The following ADAM22 variants were observed in gnomAD, a reference collection of about 807,000 sequenced individuals.
ADAM22 encodes ADAM metallopeptidase domain 22.
ADAM22 carries 65 observed loss-of-function variants against 144.6 expected under a neutral mutation model. The ratio of observed to expected loss-of-function variants is 0.45; its 90% CI spans 0.37 to 0.55. ADAM22 has a LOEUF of 0.55. Ranked by LOEUF, ADAM22 falls within the 20% of genes least tolerant of loss-of-function variation. The probability of loss-of-function intolerance (pLI) is 0.00; values close to 1 mark genes in which losing one functional copy is unlikely to be tolerated. For missense variants in ADAM22, 974 were observed against 1,184.9 expected (o/e 0.82, Z 2.61); for synonymous variants, 391 against 412.6 (o/e 0.95, Z 0.63).
chr7:88,075,456 G>A (rs531900058), intron 3 of ADAM22, among the ~76,000 whole-genome samples, 170 bp from the exon 4 acceptor site: 1 of 133,278 alleles, frequency 7.5e-6, no homozygotes, highest in African/African-American at 2.9e-5. Flanking sequence ...TACTGGGTGT[G>A]TGTGTGTCTG....
At chr7:88,125,710 C>T (rs749967349) in intron 8 of ADAM22, 51 bp downstream of exon 8, 42 of 1,397,916 alleles carry the variant, frequency 3.0e-5, no homozygotes, top group Admixed American at 9.4e-5. Context: ...TTGTCAACTG[C>T]CAGTCATTTG....
At chr7:87,937,036 G>C (rs549366103) in intron 2 of ADAM22, among the ~76,000 whole-genome samples, 1 of 152,250 alleles carries the variant, frequency 6.6e-6, no homozygotes, top group Admixed American at 6.5e-5. Context: ...GCTCACAGCA[G>C]CCTTGACCTC....
intron 22 of ADAM22, among the ~76,000 whole-genome samples, chr7:88,158,114 CA>C (rs1840506201): frequency 2.0e-5 from 3 of 151,906 alleles, no homozygotes; most frequent in Non-Finnish European, 1.5e-5. Flanking sequence ...TAATTTCAGA[CA>C]AAACAGACTT....
intron 23 of ADAM22, 108 bp downstream of exon 23, chr7:88,163,288 T>A (rs1432894424): frequency 1.1e-6 from 1 of 922,500 alleles, no homozygotes; most frequent in Non-Finnish European, 1.5e-6. Context: ...ATTTTTCATA[T>A]TTCTAGTTGG....
chr7:88,158,443 A>C (rs1444721516), intron 22 of ADAM22, among the ~76,000 whole-genome samples: 1 of 152,178 alleles, frequency 6.6e-6, no homozygotes, highest in Non-Finnish European at 1.5e-5. Context: ...AAAACAACAC[A>C]GTATATATTC....
chr7:88,128,578 G>C, intron 8 of ADAM22, 24 bp from the exon 9 acceptor site: 1 of 1,590,532 alleles, frequency 6.3e-7, no homozygotes. Context: ...TGAATTAGGT[G>C]CTGTTTCCTT....
At chr7:88,121,797 T>G (rs1444329281) in intron 7 of ADAM22, among the ~76,000 whole-genome samples, 1 of 152,210 alleles carries the variant, frequency 6.6e-6, no homozygotes, top group Non-Finnish European at 1.5e-5. Flanking sequence ...CTGATCACTT[T>G]TGCTGTATAG....
chr7:88,171,532 G>A lies in ADAM22; in HGVS notation c.2283-12G>A, dbSNP rs754476706. The A allele has an allele frequency of 6.3e-7, 1 of 1,588,170 alleles. No homozygotes were observed. The highest frequency in any genetic ancestry group is 1.7e-4 in the Middle Eastern group (1 of 5,894). ...TATGTTTTTCCCTCTTTCTCTTCTT[G>A]TCCATGAAAAGAAACTATCGAGAAC... On this transcript the variant is annotated splice_polypyrimidine_tract_variant and intron_variant, in intron 25 of 31. Transcript: ENST00000413139.
At chr7:88,181,472 T>G in intron 27 of ADAM22, 33 bp from the exon 28 acceptor site, 1 of 1,585,456 alleles carries the variant, frequency 6.3e-7, no homozygotes, top group Non-Finnish European at 8.7e-7. Context: ...TTGGTTACAT[T>G]TTTGAACAAT....
intron 4 of ADAM22, among the ~76,000 whole-genome samples, chr7:88,094,950 G>A (rs114736028): frequency 0.034 from 5,239 of 152,246 alleles, 118 homozygotes; most frequent in South Asian, 0.071. Flanking sequence ...ATATACGTAC[G>A]TCCTTAGACA....
At chr7:87,982,068 TACACACACACACACAC>T (rs1175758724) in intron 3 of ADAM22, among the ~76,000 whole-genome samples, 1 of 93,744 alleles carries the variant, frequency 1.1e-5, no homozygotes, top group East Asian at 3.8e-4. Flanking sequence ...TATATATATA[TACACACACACACACAC>T]ACACACACAC....
In ADAM22 at chr7:88,196,775, A is replaced by G. The variant is rs536212715; in HGVS notation, c.*284A>G. 2.6e-5 allele frequency: 11 copies of G among 422,202 alleles called. No individual in the cohort carries two copies. In the East Asian group the frequency reaches 4.1e-4, roughly 16 times the overall value. The allele number at this position is 422,202 out of a possible 1,614,324, so 26.2% of individuals were successfully genotyped here. The stretch of plus-strand genomic sequence containing the variant: ...ATGGATAATCCGCATGACAGATAAT[A>G]TGTAGAAATATTCATAAAGTTAACT... On this transcript the variant is annotated 3_prime_UTR_variant, in exon 32 of 32. Coordinates refer to ENST00000413139, the MANE Select transcript of ADAM22 (RefSeq NM_001324418.2).
At chr7:87,984,970 C>T (rs1854598374) in intron 3 of ADAM22, among the ~76,000 whole-genome samples, 1 of 151,598 alleles carries the variant, frequency 6.6e-6, no homozygotes, top group Admixed American at 6.6e-5. Context: ...CCACACCTAG[C>T]TTAGGAACAT....
At chr7:88,127,129 C>T (rs995637765) in intron 8 of ADAM22, among the ~76,000 whole-genome samples, 13 of 151,612 alleles carry the variant, frequency 8.6e-5, no homozygotes, top group East Asian at 1.9e-4. Flanking sequence ...TAAAGACATA[C>T]GTATCTTGAG....
At chr7:88,002,604 G>A (rs1006463685) in intron 3 of ADAM22, among the ~76,000 whole-genome samples, 1 of 152,194 alleles carries the variant, frequency 6.6e-6, no homozygotes, top group African/African-American at 2.4e-5. Context: ...TAGTTGGTGG[G>A]CATTCATAAA....
Position 88,132,889 on chromosome 7 carries a change from C to T in ADAM22, c.1015C>T (p.Arg339Trp), listed in dbSNP as rs371111786. The change falls in exon 12 of 32, where the codon CGG becomes TGG. Residue 339 changes from arginine (R) to tryptophan (W), a missense_variant. Arg to Trp is a moderately radical substitution (Grantham distance 101). Coordinates refer to ENST00000413139, the MANE Select transcript of ADAM22 (RefSeq NM_001324418.2). ...LFSGSQFESS[R>W]SGAAYIGGIC... ...AAGGGGAAGTCAATTTGAGAGTAGC[C>T]GGAGCGGGGCAGCTTATATTGGTGG... 142 of 1,613,594 alleles carry T rather than the reference C, an allele frequency of 8.8e-5. No homozygotes were observed. Among genetic ancestry groups the T allele is most frequent in the Non-Finnish European group, 1.1e-4 (133 of 1,179,848 alleles).
At position 88,108,265 on chromosome 7, in the gene ADAM22, G is replaced by A. The variant is rs954997672; in HGVS notation, c.473+7G>A. The A allele has an allele frequency of 5.6e-6, 9 of 1,609,298 alleles. No individual in the cohort carries two copies. The highest frequency in any genetic ancestry group is 7.6e-6 in the Non-Finnish European group (9 of 1,178,158). ...CAACATGCCACGGACTTCAGTAAGT[G>A]TTCAAAAAGTTATTTTTACTGTTTG... On this transcript the variant is annotated splice_region_variant and intron_variant, in intron 5 of 31. Transcript: ENST00000413139.
intron 14 of ADAM22, among the ~76,000 whole-genome samples, chr7:88,139,488 A>G (rs989321902): frequency 6.6e-6 from 1 of 152,102 alleles, no homozygotes; most frequent in African/African-American, 2.4e-5. Flanking sequence ...GACCTATTTA[A>G]ATTTGATAAC....
Position 87,934,264 on chromosome 7 carries a change from C to G in ADAM22, c.-202C>G. 1 of 513,282 alleles carries G rather than the reference C, an allele frequency of 1.9e-6. No homozygotes were observed. Among genetic ancestry groups the G allele is most frequent in the East Asian group, 3.6e-5 (1 of 28,152 alleles). The allele number at this position is 513,282 out of a possible 1,614,324, so 31.8% of individuals were successfully genotyped here. ...GCCCAATGCAGCACTCGCTCGCTCCCCCCGCCAGCGGAAGCGTCCGCGAAG... is the reference window on the plus strand; with the variant it reads ...GCCCAATGCAGCACTCGCTCGCTCCGCCCGCCAGCGGAAGCGTCCGCGAAG... On this transcript the variant is annotated 5_prime_UTR_variant, in exon 1 of 32. Transcript: ENST00000413139.
Sources: allele counts gnomAD v4.1 joint callset (sites outside exome capture counted in the v4.1 genomes callset), GRCh38; gene constraint gnomAD v4.1.1; transcripts MANE v1.5; gene names NCBI Gene and HGNC (gene_info 2026-07-23, HGNC 2026-07-21).